The following AGBL4 variants were observed in gnomAD, a reference collection of about 807,000 sequenced individuals.
The protein encoded by AGBL4 is AGBL carboxypeptidase 4, also known as cytosolic carboxypeptidase 6.
Under a neutral mutation model 66.4 loss-of-function variants are expected in AGBL4, and 58 were observed. The ratio of observed to expected loss-of-function variants is 0.87; its 90% CI spans 0.71 to 1.09. AGBL4 has a LOEUF of 1.09. Ranked by LOEUF, AGBL4 falls within the 50% of genes least tolerant of loss-of-function variation. The pLI is 0.00. For synonymous variants in AGBL4, 234 were observed against 222.9 expected, an observed-to-expected ratio of 1.05 and a Z score of -0.44; for missense variants, 579 against 631.0, an observed-to-expected ratio of 0.92 and a Z score of 0.88.
At chr1:49,512,043 T>C (rs1314473577) in intron 3 of AGBL4, among the ~76,000 whole-genome samples, 2 of 152,010 alleles carry the variant, frequency 1.3e-5, no homozygotes, top group East Asian at 3.9e-4. Flanking sequence ...CAGGGTGCTA[T>C]GTACATAGTA....
intron 3 of AGBL4, among the ~76,000 whole-genome samples, chr1:49,633,980 A>T (rs954134731): frequency 6.7e-6 from 1 of 150,286 alleles, no homozygotes; most frequent in South Asian, 2.1e-4. Flanking sequence ...TTTTAAGTCA[A>T]TTTATTCAAA....
chr1:48,714,020 T>G (rs1446065482), intron 6 of AGBL4, among the ~76,000 whole-genome samples: 2 of 152,184 alleles, frequency 1.3e-5, no homozygotes, highest in African/African-American at 4.8e-5. Flanking sequence ...TTATTCTGAA[T>G]TTAAATCTTG....
intron 2 of AGBL4, among the ~76,000 whole-genome samples, chr1:49,738,114 C>T (rs527505433): frequency 6.6e-6 from 1 of 152,226 alleles, no homozygotes; most frequent in Admixed American, 6.5e-5. Flanking sequence ...GAGGAATCCC[C>T]TCACCCGGGA....
At chr1:48,729,371 C>T (rs1647727048) in intron 6 of AGBL4, among the ~76,000 whole-genome samples, 1 of 152,122 alleles carries the variant, frequency 6.6e-6, no homozygotes, top group South Asian at 2.1e-4. Context: ...GGTGAATGTA[C>T]CACGGGAATG....
intron 4 of AGBL4, among the ~76,000 whole-genome samples, chr1:49,140,195 T>C (rs1646091542): frequency 6.6e-6 from 1 of 152,196 alleles, no homozygotes; most frequent in Non-Finnish European, 1.5e-5. Context: ...ATTTAGATAA[T>C]AATAAAACAA....
chr1:49,077,542 T>C (rs1644733786), intron 4 of AGBL4, among the ~76,000 whole-genome samples: 1 of 152,074 alleles, frequency 6.6e-6, no homozygotes, highest in South Asian at 2.1e-4. Context: ...AAATAAATGG[T>C]TTTAGTCAAG....
At chr1:49,490,930 A>G (rs182815648) in intron 3 of AGBL4, among the ~76,000 whole-genome samples, 13 of 151,926 alleles carry the variant, frequency 8.6e-5, no homozygotes, top group African/African-American at 2.9e-4. Context: ...TGGATCAATT[A>G]TATCACCTCT....
At chr1:49,588,034 T>C (rs550218403) in intron 3 of AGBL4, among the ~76,000 whole-genome samples, 2 of 152,226 alleles carry the variant, frequency 1.3e-5, no homozygotes, top group African/African-American at 4.8e-5. Context: ...CCTTACTCTA[T>C]GCATCTTGGT....
At chr1:48,673,392 C>G (rs912459648) in intron 6 of AGBL4, among the ~76,000 whole-genome samples, 1 of 152,166 alleles carries the variant, frequency 6.6e-6, no homozygotes, top group African/African-American at 2.4e-5. Flanking sequence ...GAAGATCTGT[C>G]TTGCCCAATG....
intron 2 of AGBL4, among the ~76,000 whole-genome samples, chr1:49,771,247 T>C (rs1441721200): frequency 6.6e-6 from 1 of 152,174 alleles, no homozygotes; most frequent in Non-Finnish European, 1.5e-5. Context: ...TTTTAATTTA[T>C]TCATTGGCCC....
intron 5 of AGBL4, among the ~76,000 whole-genome samples, chr1:48,978,090 C>T (rs559945360): frequency 6.6e-5 from 10 of 152,178 alleles, no homozygotes; most frequent in African/African-American, 2.4e-4. Flanking sequence ...ATGGTGAGAA[C>T]ATATTTATGC....
At chr1:49,559,980 A>G (rs933326364) in intron 3 of AGBL4, among the ~76,000 whole-genome samples, 1 of 152,120 alleles carries the variant, frequency 6.6e-6, no homozygotes, top group Non-Finnish European at 1.5e-5. Context: ...GTTCTTTCAA[A>G]TATCTGGAAA....
intron 5 of AGBL4, among the ~76,000 whole-genome samples, chr1:48,905,929 T>G (rs981189311): frequency 2.0e-5 from 3 of 152,136 alleles, no homozygotes; most frequent in Non-Finnish European, 4.4e-5. Flanking sequence ...TTACAGGAAC[T>G]AGGAATATAA....
chr1:48,643,200 G>A (rs1645784935), intron 8 of AGBL4, among the ~76,000 whole-genome samples: 1 of 152,134 alleles, frequency 6.6e-6, no homozygotes, highest in Non-Finnish European at 1.5e-5. Context: ...ACACTATGTT[G>A]TCAATCTGTA....
intron 11 of AGBL4, among the ~76,000 whole-genome samples, chr1:48,574,382 A>G (rs1644615726): frequency 6.6e-6 from 1 of 152,186 alleles, no homozygotes; most frequent in Non-Finnish European, 1.5e-5. Flanking sequence ...ACTCATCTCT[A>G]CGGATTGCTG....
At chr1:48,905,508 G>A (rs1021225702) in intron 5 of AGBL4, among the ~76,000 whole-genome samples, 1 of 152,072 alleles carries the variant, frequency 6.6e-6, no homozygotes, top group African/African-American at 2.4e-5. Context: ...CATATAGAAG[G>A]TTTCTGAAAT....
chr1:49,947,345 C>A (rs1245693465), intron 1 of AGBL4, among the ~76,000 whole-genome samples: 2 of 151,984 alleles, frequency 1.3e-5, no homozygotes, highest in African/African-American at 4.8e-5. Context: ...GTTAATCCAC[C>A]ATGATCAAGT....
At chr1:49,455,020 T>C (rs1045604883) in intron 3 of AGBL4, among the ~76,000 whole-genome samples, 10 of 151,688 alleles carry the variant, frequency 6.6e-5, no homozygotes, top group Non-Finnish European at 1.2e-4. Flanking sequence ...ATTATTACTC[T>C]ATTTTAAAGA....
At chr1:49,997,194 C>T (rs962720846) in intron 1 of AGBL4, among the ~76,000 whole-genome samples, 1 of 151,916 alleles carries the variant, frequency 6.6e-6, no homozygotes. Flanking sequence ...AATAGAAAAG[C>T]ACCTCACATC....
Sources: gnomAD v4.1 joint callset for allele counts (sites outside exome capture counted in the v4.1 genomes callset) on GRCh38, gnomAD v4.1.1 for gene constraint, MANE v1.5 for transcripts, NCBI Gene and HGNC (gene_info 2026-07-23, HGNC 2026-07-21) for gene names.